Variants in GRAMD2B observed in about 807,000 individuals in gnomAD.
GRAMD2B encodes the protein GRAM domain-containing protein 2B.
In GRAMD2B, 41 loss-of-function variants were observed where a neutral mutation model predicts 59.2. The ratio of observed to expected loss-of-function variants is 0.69; its 90% CI spans 0.54 to 0.90. GRAMD2B has a LOEUF of 0.90. Ranked by LOEUF, GRAMD2B falls within the 40% of genes least tolerant of loss-of-function variation. GRAMD2B has a pLI of 0.00. For synonymous variants in GRAMD2B, 161 were observed against 182.7 expected, an observed-to-expected ratio of 0.88 and a Z score of 0.96; for missense variants, 424 against 500.5, an observed-to-expected ratio of 0.85 and a Z score of 1.46.
intron 1 of GRAMD2B, among the ~76,000 whole-genome samples, chr5:126,454,868 T>C (rs62394662): frequency 0.09 from 13,731 of 152,272 alleles, 1,122 homozygotes; most frequent in African/African-American, 0.22. Context: ...ATTCTTTTTA[T>C]TGTTGACCTA....
chr5:126,468,084 C>T (rs1433866766), intron 2 of GRAMD2B, among the ~76,000 whole-genome samples: 1 of 152,116 alleles, frequency 6.6e-6, no homozygotes, highest in African/African-American at 2.4e-5. Flanking sequence ...TGTGTCGTTT[C>T]CTCCCAATAA....
chr5:126,439,374 T>G (rs879711006), intron 1 of GRAMD2B, among the ~76,000 whole-genome samples: 109 of 143,724 alleles, frequency 7.6e-4, no homozygotes, highest in Admixed American at 3.0e-3. Flanking sequence ...TTGCCCAGGC[T>G]GAAGTGCAGT....
At chr5:126,466,206 G>T in intron 2 of GRAMD2B, 1 of 1,531,732 alleles carries the variant, frequency 6.5e-7, no homozygotes, top group South Asian at 1.2e-5. Flanking sequence ...ACCATTATTA[G>T]AACTTTGAGA....
At chr5:126,360,603 G>T in intron 1 of GRAMD2B, 1 of 781,246 alleles carries the variant, frequency 1.3e-6, no homozygotes, top group Non-Finnish European at 2.0e-6. Flanking sequence ...AGTTTTCCTT[G>T]TTTATCATCA....
chr5:126,412,107 C>G (rs1484075546), intron 1 of GRAMD2B, among the ~76,000 whole-genome samples: 2 of 151,984 alleles, frequency 1.3e-5, no homozygotes, highest in Non-Finnish European at 2.9e-5. Context: ...TTATTTCTTT[C>G]TCTTGCCTGA....
upstream of GRAMD2B, among the ~76,000 whole-genome samples, chr5:126,419,438 G>A (rs1759529701): frequency 6.6e-6 from 1 of 152,086 alleles, no homozygotes; most frequent in African/African-American, 2.4e-5. Flanking sequence ...TACACCATTA[G>A]AAACCACCAC....
At chr5:126,361,949 C>T (rs2149682220) in intron 1 of GRAMD2B, among the ~76,000 whole-genome samples, 1 of 152,254 alleles carries the variant, frequency 6.6e-6, no homozygotes, top group Admixed American at 6.5e-5. Flanking sequence ...CAGTGTAATA[C>T]CTACCTCCCA....
chr5:126,484,792 C>T (rs1461337619), intron 10 of GRAMD2B, among the ~76,000 whole-genome samples: 1 of 152,050 alleles, frequency 6.6e-6, no homozygotes, highest in Non-Finnish European at 1.5e-5. Context: ...CCATTTTGGT[C>T]AGGCTAGTCT....
At chr5:126,434,278 GTAT>G (rs1699277819) in intron 1 of GRAMD2B, among the ~76,000 whole-genome samples, 1 of 152,088 alleles carries the variant, frequency 6.6e-6, no homozygotes, top group Admixed American at 6.5e-5. Flanking sequence ...TATGTCATAA[GTAT>G]TATAAATTAC....
intron 1 of GRAMD2B, among the ~76,000 whole-genome samples, chr5:126,435,004 C>T (rs1762182933): frequency 6.6e-6 from 1 of 152,138 alleles, no homozygotes; most frequent in Non-Finnish European, 1.5e-5. Context: ...ACCATTTTAT[C>T]TAAGATCTGA....
Position 126,485,677 on chromosome 5 carries a change from T to C in GRAMD2B, c.971-9T>C. On this transcript the variant is annotated splice_polypyrimidine_tract_variant and intron_variant, in intron 10 of 13. Transcript: ENST00000285689. ...TTTAAACAGTTGTTTTTTGTTTTCC[T>C]CCCAACAGGTCTGTCAGAAACTGTT... 6.3e-7 allele frequency: 1 copy of C among 1,597,304 alleles called. No individual in the cohort carries two copies. Among genetic ancestry groups the C allele is most frequent in the South Asian group, 1.1e-5 (1 of 89,760 alleles).
upstream of GRAMD2B, among the ~76,000 whole-genome samples, chr5:126,368,984 A>C (rs1054138511): frequency 7.2e-5 from 11 of 152,170 alleles, no homozygotes; most frequent in Admixed American, 3.3e-4. Flanking sequence ...CTACAGGATA[A>C]AGCTTGAACT....
At chr5:126,456,407 T>C (rs1213354232) in intron 1 of GRAMD2B, among the ~76,000 whole-genome samples, 1 of 151,048 alleles carries the variant, frequency 6.6e-6, no homozygotes, top group Non-Finnish European at 1.5e-5. Context: ...AGAGATGGGG[T>C]CTCCCTATGT....
At chr5:126,485,621 A>G in intron 10 of GRAMD2B, 65 bp from the exon 11 acceptor site, 1 of 933,370 alleles carries the variant, frequency 1.1e-6, no homozygotes, top group South Asian at 1.5e-5. Flanking sequence ...CCCCATAGGG[A>G]TATTGCTGGA....
chr5:126,447,058 G>C (rs141771053), intron 1 of GRAMD2B, among the ~76,000 whole-genome samples: 1 of 152,136 alleles, frequency 6.6e-6, no homozygotes, highest in Non-Finnish European at 1.5e-5. Flanking sequence ...ACCTAGTTTC[G>C]TGGGAAGAAA....
chr5:126,459,358 A>G (rs1172656793), intron 1 of GRAMD2B, among the ~76,000 whole-genome samples: 2 of 152,192 alleles, frequency 1.3e-5, no homozygotes, highest in Non-Finnish European at 2.9e-5. Flanking sequence ...ATCCTCCCAC[A>G]TTAGCCTCCA....
intron 13 of GRAMD2B, among the ~76,000 whole-genome samples, chr5:126,492,390 CTT>C (rs375319462): frequency 1.3e-4 from 19 of 144,772 alleles, no homozygotes; most frequent in African/African-American, 2.5e-4. Context: ...GCCATTCTCT[CTT>C]TTTTTTTTTT....
At chr5:126,384,914 A>T (rs1273799950) in intron 1 of GRAMD2B, among the ~76,000 whole-genome samples, 1 of 152,216 alleles carries the variant, frequency 6.6e-6, no homozygotes, top group African/African-American at 2.4e-5. Flanking sequence ...ATTATACATT[A>T]AATTATACTT....
intron 1 of GRAMD2B, among the ~76,000 whole-genome samples, chr5:126,361,489 T>TCAAAAAAAAA (rs763992843): frequency 7.1e-6 from 1 of 140,716 alleles, no homozygotes. Context: ...TCCGAAATGG[T>TCAAAAAAAAA]AAAAAAAAAA....
Sources: gnomAD v4.1 joint callset for allele counts (sites outside exome capture counted in the v4.1 genomes callset) on GRCh38, gnomAD v4.1.1 for gene constraint, MANE v1.5 for transcripts, NCBI Gene and HGNC (gene_info 2026-07-23, HGNC 2026-07-21) for gene names.